The following DYNC1I1 variants were observed in gnomAD, a reference collection of about 807,000 sequenced individuals.
DYNC1I1 encodes the protein cytoplasmic dynein 1 intermediate chain 1.
DYNC1I1 carries 43 observed loss-of-function variants against 86.6 expected under a neutral mutation model. The ratio of observed to expected loss-of-function variants is 0.50; its 90% CI spans 0.39 to 0.64. DYNC1I1 has a LOEUF of 0.64. DYNC1I1 is among the 30% of genes least tolerant of loss of function. DYNC1I1 has a pLI of 0.00. For synonymous variants in DYNC1I1, 262 were observed against 283.7 expected, an observed-to-expected ratio of 0.92 and a Z score of 0.77; for missense variants, 604 against 788.8, an observed-to-expected ratio of 0.77 and a Z score of 2.81.
At chr7:95,955,945 A>T (rs1295743051) in intron 6 of DYNC1I1, among the ~76,000 whole-genome samples, 1 of 152,126 alleles carries the variant, frequency 6.6e-6, no homozygotes, top group Non-Finnish European at 1.5e-5. Flanking sequence ...CCTGTTACTG[A>T]GAGTAACATG....
At chr7:95,813,211 T>C in intron 3 of DYNC1I1, 36 bp from the exon 4 acceptor site, 2 of 1,612,992 alleles carry the variant, frequency 1.2e-6, no homozygotes, top group Non-Finnish European at 1.7e-6. Flanking sequence ...CCGCTGCATT[T>C]TTTAACATGG....
rs536670350 is a variant in DYNC1I1, at chr7:96,072,585, A to T, written c.1510-3472A>T. 6.6e-5 allele frequency among the ~76,000 whole-genome samples: 10 copies of T among 152,326 alleles called. No homozygotes were observed. The South Asian group carries it at 2.1e-3, about 32-fold the overall frequency. ...GGCTTTCATATGTACAAATAGTATT[A>T]TAAGATTCATTCTCACAATTATTGG... is the stretch of plus-strand genomic sequence containing the variant. On this transcript the variant is annotated intron_variant, in intron 14 of 16. Transcript: ENST00000447467.
intron 16 of DYNC1I1, among the ~76,000 whole-genome samples, chr7:96,108,691 G>C (rs897785698): frequency 6.6e-6 from 1 of 151,656 alleles, no homozygotes; most frequent in Non-Finnish European, 1.5e-5. Flanking sequence ...GTAAAACCCC[G>C]TCTCTACTAA....
At chr7:96,047,392 C>A (rs774806269) in intron 14 of DYNC1I1, among the ~76,000 whole-genome samples, 2 of 152,156 alleles carry the variant, frequency 1.3e-5, no homozygotes, top group Non-Finnish European at 1.5e-5. Context: ...TATAATAGAA[C>A]ATGAATTGAA....
intron 6 of DYNC1I1, among the ~76,000 whole-genome samples, chr7:95,883,708 G>C (rs75841090): frequency 0.024 from 3,680 of 152,172 alleles, 122 homozygotes; most frequent in African/African-American, 0.076. Flanking sequence ...TCAAATCTGG[G>C]AGCAGTTTGG....
At chr7:96,007,809 T>C (rs1794178059) in intron 10 of DYNC1I1, among the ~76,000 whole-genome samples, 1 of 152,200 alleles carries the variant, frequency 6.6e-6, no homozygotes, top group Admixed American at 6.5e-5. Context: ...GCAATATCAG[T>C]TGAAGCAAAG....
chr7:95,774,366 G>T (rs1793787954), intron 1 of DYNC1I1, among the ~76,000 whole-genome samples: 1 of 152,146 alleles, frequency 6.6e-6, no homozygotes, highest in South Asian at 2.1e-4. Context: ...TGCAGCCGCT[G>T]GTGCACAGTC....
At chr7:96,102,203 A>G (rs1483303598), downstream of DYNC1I1, among the ~76,000 whole-genome samples, 2 of 152,184 alleles carry the variant, frequency 1.3e-5, no homozygotes. Flanking sequence ...TTTAATTTAC[A>G]ATTTTGCCTT....
At chr7:95,951,644 C>A (rs1482425648) in intron 6 of DYNC1I1, among the ~76,000 whole-genome samples, 2 of 152,150 alleles carry the variant, frequency 1.3e-5, no homozygotes, top group Non-Finnish European at 2.9e-5. Context: ...TTTTCAAATG[C>A]CTCTAGTTCA....
At chr7:95,943,700 A>T (rs900461676) in intron 6 of DYNC1I1, among the ~76,000 whole-genome samples, 50 of 151,212 alleles carry the variant, frequency 3.3e-4, no homozygotes, top group African/African-American at 1.1e-3. Flanking sequence ...AACAGAACGG[A>T]GCCCTCAGAA....
chr7:95,876,892 C>T (rs139310823), intron 6 of DYNC1I1, among the ~76,000 whole-genome samples: 334 of 151,980 alleles, frequency 2.2e-3, no homozygotes, highest in African/African-American at 7.4e-3. Context: ...ACAACAAAAC[C>T]GCACAACTAT....
intron 5 of DYNC1I1, among the ~76,000 whole-genome samples, chr7:95,867,735 T>C (rs572625788): frequency 6.6e-6 from 1 of 152,118 alleles, no homozygotes; most frequent in Non-Finnish European, 1.5e-5. Flanking sequence ...GGGTTTAGGG[T>C]GATCTCTCTG....
chr7:96,076,107 T>C lies in DYNC1I1; in HGVS notation c.1560T>C (p.Asp520=). ...AAGACAATGCAGACTATGTGTACGA[T>C]GTCATGTGGTCCCCCGTGCATCCTG... ...SFEDNADYVY[D]VMWSPVHPAL... is the part of the protein sequence containing the mutation. Residue 520 remains aspartate, a synonymous_variant, in exon 15 of 17, where the codon GAT becomes GAC. Transcript: ENST00000447467. 6.2e-7 allele frequency: 1 copy of C among 1,614,170 alleles called. No individual in the cohort carries two copies. The highest frequency in any genetic ancestry group is 8.5e-7 in the Non-Finnish European group (1 of 1,180,024).
chr7:95,774,125 G>A (rs1294136643), intron 1 of DYNC1I1, among the ~76,000 whole-genome samples: 5 of 152,166 alleles, frequency 3.3e-5, no homozygotes, highest in Non-Finnish European at 7.3e-5. Flanking sequence ...TCGAATATTT[G>A]TTTAGGTCTG....
chr7:95,842,794 T>C (rs954578200), intron 5 of DYNC1I1, among the ~76,000 whole-genome samples: 12 of 152,230 alleles, frequency 7.9e-5, no homozygotes, highest in African/African-American at 2.9e-4. Context: ...TTTGATGCTC[T>C]ATGGGTGGAG....
At chr7:96,002,125 T>C (rs2115795874) in intron 10 of DYNC1I1, among the ~76,000 whole-genome samples, 1 of 152,240 alleles carries the variant, frequency 6.6e-6, no homozygotes, top group African/African-American at 2.4e-5. Context: ...ACAGCAGTGA[T>C]AGGCTGGAGG....
intron 1 of DYNC1I1, among the ~76,000 whole-genome samples, chr7:95,784,004 T>A (rs1794064238): frequency 6.6e-6 from 1 of 152,226 alleles, no homozygotes; most frequent in African/African-American, 2.4e-5. Context: ...AAATGCTTAG[T>A]ACAAACATTG....
intron 5 of DYNC1I1, among the ~76,000 whole-genome samples, chr7:95,850,492 C>T (rs1789548276): frequency 6.6e-6 from 1 of 151,802 alleles, no homozygotes; most frequent in South Asian, 2.1e-4. Context: ...TTATAGTAGT[C>T]CTCTCTTCTA....
chr7:96,093,342 C>G (rs772659845), intron 16 of DYNC1I1, among the ~76,000 whole-genome samples: 1 of 152,064 alleles, frequency 6.6e-6, no homozygotes, highest in Non-Finnish European at 1.5e-5. Context: ...TGACCGTTGC[C>G]AGCAACCAAG....
Sources: allele counts gnomAD v4.1 joint callset (sites outside exome capture counted in the v4.1 genomes callset), GRCh38; gene constraint gnomAD v4.1.1; transcripts MANE v1.5; gene names NCBI Gene and HGNC (gene_info 2026-07-23, HGNC 2026-07-21).